The following CC2D2A variants were observed in gnomAD, a reference collection of about 807,000 sequenced individuals.
The protein encoded by CC2D2A is coiled-coil and C2 domain-containing protein 2A.
In CC2D2A, 155 loss-of-function variants were observed where a neutral mutation model predicts 212.9. That is an observed-to-expected ratio of 0.73 (90% confidence interval 0.64 to 0.83). The LOEUF (loss-of-function observed/expected upper bound fraction) is 0.83. Among genes scored for constraint, CC2D2A ranks in the 40% least tolerant of loss-of-function variants. The pLI, the probability that CC2D2A is intolerant of heterozygous loss-of-function variation, is 0.00. For synonymous variants in CC2D2A, 667 were observed against 686.5 expected, an observed-to-expected ratio of 0.97 and a Z score of 0.44; for missense variants, 1,856 against 1,956.2, an observed-to-expected ratio of 0.95 and a Z score of 0.97.
intron 4 of CC2D2A, among the ~76,000 whole-genome samples, chr4:15,496,708 A>G (rs572484996): frequency 1.3e-3 from 193 of 152,340 alleles, no homozygotes; most frequent in Non-Finnish European, 2.2e-3. Flanking sequence ...AAACAACTTC[A>G]GCAAAGCTTC....
intron 20 of CC2D2A, 76 bp from the exon 21 acceptor site, chr4:15,557,228 C>T: frequency 2.8e-5 from 25 of 898,180 alleles, no homozygotes; most frequent in East Asian, 1.5e-4. Context: ...TTAAATGTTC[C>T]TTGACACTCA....
chr4:15,565,117 T>C (rs1161692338), intron 24 of CC2D2A, among the ~76,000 whole-genome samples: 4 of 152,258 alleles, frequency 2.6e-5, no homozygotes, highest in African/African-American at 9.6e-5. Context: ...TGCTGTGGCA[T>C]TGCTTTCCTG....
rs749265354 is a variant in CC2D2A at position 15,599,609 on chromosome 4, C to T, written c.4577C>T (p.Thr1526Ile). ...CGGTGGAATAGGTATTGTACCTCTA[C>T]TCTGCGTCACTTCTTGCCTCTGTTA... ...LTRWNRYCTS[T>I]LRHFLPLLEK... is the part of the protein sequence containing the mutation. Residue 1526 changes from threonine (T) to isoleucine (I), a missense_variant, in exon 36 of 37, where the codon ACT becomes ATT. Physicochemically the swap from Thr to Ile is moderately conservative, Grantham distance 89. Coordinates refer to ENST00000424120, the MANE Select transcript of CC2D2A (RefSeq NM_001378615.1). 18 of 1,613,324 alleles carry T rather than the reference C, an allele frequency of 1.1e-5. No individual in the cohort carries two copies. The highest frequency in any genetic ancestry group is 5.5e-5 in the South Asian group (5 of 90,998).
intron 18 of CC2D2A, 45 bp from the exon 19 acceptor site, chr4:15,553,113 T>A: frequency 6.5e-7 from 1 of 1,541,754 alleles, no homozygotes; most frequent in Non-Finnish European, 8.7e-7. Context: ...CTAGGCTCAG[T>A]CCCTCTTTCT....
intron 24 of CC2D2A, chr4:15,563,973 A>G (rs1035201405): frequency 5.9e-6 from 1 of 168,416 alleles, no homozygotes; most frequent in African/African-American, 2.4e-5. Context: ...ATAGCCAGAG[A>G]GACAGGGTCA....
chr4:15,576,723 C>T (rs1720428856), intron 29 of CC2D2A: 1 of 152,648 alleles, frequency 6.6e-6, no homozygotes, highest in African/African-American at 2.4e-5. Context: ...GTGTTATGTC[C>T]TAACGTATGT....
intron 11 of CC2D2A, among the ~76,000 whole-genome samples, chr4:15,526,977 T>TGTC (rs896389715): frequency 2.6e-4 from 39 of 152,302 alleles, no homozygotes; most frequent in African/African-American, 7.7e-4. Context: ...GTTAGGTAGA[T>TGTC]GTCCCTTGCT....
chr4:15,498,086 A>G (rs1027150560), intron 4 of CC2D2A, among the ~76,000 whole-genome samples: 1 of 152,196 alleles, frequency 6.6e-6, no homozygotes. Context: ...CCTGGGTAAC[A>G]GTGAGTATGG....
At chr4:15,536,603 A>G (rs1718142826) in intron 14 of CC2D2A, among the ~76,000 whole-genome samples, 1 of 152,188 alleles carries the variant, frequency 6.6e-6, no homozygotes, top group Non-Finnish European at 1.5e-5. Flanking sequence ...TACAGGCCCC[A>G]TGTCAGCACA....
At position 15,538,105 on chromosome 4, in the gene CC2D2A, A is replaced by G; in HGVS notation, c.1971A>G (p.Ala657=). The part of the protein sequence containing the change: ...EPTLVPELSL[A]GSVTPNDQCP... ...CGCTGGTCCCGGAGCTAAGCCTGGC[A>G]GGAAGCGTAACACCCAATGACCAGT... Residue 657 remains alanine (A), a synonymous_variant, in exon 16 of 37, where the codon GCA becomes GCG. Coordinates refer to ENST00000424120, the MANE Select transcript of CC2D2A (RefSeq NM_001378615.1). The G allele has an allele frequency of 6.3e-7, 1 of 1,599,634 alleles. No individual in the cohort carries two copies. The highest frequency in any genetic ancestry group is 1.1e-5 in the South Asian group (1 of 88,374).
intron 2 of CC2D2A, among the ~76,000 whole-genome samples, chr4:15,476,453 A>G (rs1714221108): frequency 6.6e-6 from 1 of 152,258 alleles, no homozygotes; most frequent in African/African-American, 2.4e-5. Flanking sequence ...CTCAAGCCAC[A>G]TTTAGTTTAA....
intron 4 of CC2D2A, among the ~76,000 whole-genome samples, chr4:15,489,155 G>C (rs1715165740): frequency 6.6e-6 from 1 of 152,132 alleles, no homozygotes; most frequent in African/African-American, 2.4e-5. Context: ...TGTCAGTATT[G>C]GTGGAAAAGA....
At chr4:15,527,727 T>G in intron 12 of CC2D2A, 71 bp downstream of exon 12, 4 of 1,187,120 alleles carry the variant, frequency 3.4e-6, no homozygotes, top group South Asian at 1.5e-5. Context: ...CAATGAAAAT[T>G]TCTAACAGCA....
intron 1 of CC2D2A, among the ~76,000 whole-genome samples, chr4:15,475,624 G>A (rs760912145): frequency 4.6e-5 from 7 of 152,240 alleles, no homozygotes; most frequent in South Asian, 2.1e-4. Flanking sequence ...GGGCAGTAGC[G>A]GAGATGAGCT....
chr4:15,482,133 A>G (rs1714711823), intron 4 of CC2D2A: 1 of 985,464 alleles, frequency 1.0e-6, no homozygotes, highest in Non-Finnish European at 1.2e-6. Context: ...AAGTTGGGAA[A>G]TAAGTAACTG....
chr4:15,578,103 C>T (rs1019614065), intron 29 of CC2D2A, among the ~76,000 whole-genome samples: 39 of 152,196 alleles, frequency 2.6e-4, no homozygotes, highest in African/African-American at 8.4e-4. Flanking sequence ...TGTGATACAC[C>T]TACACCAAAG....
chr4:15,555,521 T>C (rs567450425), intron 20 of CC2D2A, among the ~76,000 whole-genome samples: 2 of 152,290 alleles, frequency 1.3e-5, no homozygotes, highest in Non-Finnish European at 2.9e-5. Context: ...GGAGGATCGC[T>C]TGAGCCCAAG....
intron 2 of CC2D2A, among the ~76,000 whole-genome samples, chr4:15,476,230 T>C (rs1333264191): frequency 6.6e-6 from 1 of 152,194 alleles, no homozygotes; most frequent in Non-Finnish European, 1.5e-5. Flanking sequence ...AAGATGGAAG[T>C]GGAGTACAGA....
intron 21 of CC2D2A, 126 bp downstream of exon 21, chr4:15,557,633 C>T: frequency 1.8e-6 from 1 of 563,506 alleles, no homozygotes; most frequent in Non-Finnish European, 3.0e-6. Context: ...TCTTTTATTT[C>T]ACTTTTATAC....
Sources: gnomAD v4.1 joint callset for allele counts (sites outside exome capture counted in the v4.1 genomes callset) on GRCh38, gnomAD v4.1.1 for gene constraint, MANE v1.5 for transcripts, NCBI Gene and HGNC (gene_info 2026-07-23, HGNC 2026-07-21) for gene names.